Variants in CCDC38 observed in about 807,000 individuals in gnomAD.
CCDC38 encodes coiled-coil domain-containing protein 38.
Under a neutral mutation model 72.8 loss-of-function variants are expected in CCDC38, and 69 were observed. The observed-to-expected ratio is 0.95, with a 90% CI of 0.78 to 1.16. CCDC38 has a LOEUF of 1.16. CCDC38 is among the 50% of genes most tolerant of loss of function. The pLI is 0.00. For synonymous variants in CCDC38, 201 were observed against 213.2 expected (o/e 0.94, Z 0.50); for missense variants, 626 against 638.9 (o/e 0.98, Z 0.22).
chr12:95,886,654 GA>G (rs2079762892), intron 10 of CCDC38, among the ~76,000 whole-genome samples: 1 of 152,158 alleles, frequency 6.6e-6, no homozygotes, highest in African/African-American at 2.4e-5. Flanking sequence ...GTGAGCAAAA[GA>G]CATGAATAGA....
chr12:95,924,714 G>A (rs1310639375), intron 2 of CCDC38, among the ~76,000 whole-genome samples: 5 of 151,230 alleles, frequency 3.3e-5, no homozygotes, highest in Admixed American at 2.6e-4. Context: ...ATTAATTTTT[G>A]TATAAGGGGT....
intron 1 of CCDC38, among the ~76,000 whole-genome samples, chr12:95,941,394 T>C (rs2080448940): frequency 6.6e-6 from 1 of 152,214 alleles, no homozygotes; most frequent in South Asian, 2.1e-4. Flanking sequence ...AAGTGATTTA[T>C]GTTTTATTTT....
chr12:95,901,795 T>C (rs2079952979), intron 5 of CCDC38, among the ~76,000 whole-genome samples: 1 of 152,216 alleles, frequency 6.6e-6, no homozygotes, highest in African/African-American at 2.4e-5. Flanking sequence ...AAAGTCGTTT[T>C]GGTGAATGAT....
At position 95,890,820 on chromosome 12, in the gene CCDC38, A is replaced by G; in HGVS notation, c.871+12T>C. 2 of 1,541,466 alleles carry G rather than the reference A, an allele frequency of 1.3e-6. No individual in the cohort carries two copies. Among genetic ancestry groups the G allele is most frequent in the Non-Finnish European group, 1.8e-6 (2 of 1,118,392 alleles). On this transcript the variant is annotated intron_variant, in intron 9 of 15. Transcript: ENST00000344280. ...CAGGTTTTACTTTCATGAGTCCCAA[A>G]TCTACCTTTACCTTGGCTGTCTCTT...
intron 10 of CCDC38, chr12:95,885,834 G>A (rs1452252332): frequency 6.6e-6 from 1 of 152,110 alleles, no homozygotes; most frequent in Non-Finnish European, 1.5e-5. Flanking sequence ...CCTAAGGCAC[G>A]GGAGCAAGTA....
intron 2 of CCDC38, among the ~76,000 whole-genome samples, chr12:95,921,408 T>A (rs1224347433): frequency 1.3e-5 from 2 of 152,160 alleles, no homozygotes; most frequent in Non-Finnish European, 2.9e-5. Flanking sequence ...GACTCACAGT[T>A]CTGCATAGCT....
intron 5 of CCDC38, among the ~76,000 whole-genome samples, chr12:95,905,198 G>A (rs1370968273): frequency 6.6e-6 from 1 of 151,798 alleles, no homozygotes; most frequent in Non-Finnish European, 1.5e-5. Flanking sequence ...CATTTTTTCT[G>A]AATATTTTTG....
intron 2 of CCDC38, among the ~76,000 whole-genome samples, chr12:95,920,100 A>T (rs6538686): frequency 0.59 from 89,848 of 152,060 alleles, 28,483 homozygotes; most frequent in East Asian, 0.91. Flanking sequence ...TCTGATATGG[A>T]TTGGCTGTGT....
chr12:95,906,257 G>GA, intron 5 of CCDC38, 130 bp downstream of exon 5: 1 of 673,874 alleles, frequency 1.5e-6, no homozygotes, highest in Non-Finnish European at 2.6e-6. Flanking sequence ...ATGAACACGT[G>GA]AAAAAACCAA....
intron 4 of CCDC38, among the ~76,000 whole-genome samples, chr12:95,913,214 G>A (rs2080112735): frequency 6.6e-6 from 1 of 152,200 alleles, no homozygotes; most frequent in South Asian, 2.1e-4. Flanking sequence ...GGGAATATGA[G>A]TAAATTACCC....
intron 13 of CCDC38, among the ~76,000 whole-genome samples, chr12:95,874,401 C>G (rs2079613620): frequency 6.6e-6 from 1 of 152,158 alleles, no homozygotes; most frequent in Non-Finnish European, 1.5e-5. Flanking sequence ...CCACCACCCC[C>G]TCCCCCTTTT....
intron 1 of CCDC38, 104 bp from the exon 2 acceptor site, chr12:95,936,627 A>C: frequency 1.2e-6 from 1 of 814,342 alleles, no homozygotes; most frequent in Non-Finnish European, 2.0e-6. Flanking sequence ...TATGGCTTTT[A>C]AAAGCAGTGA....
intron 10 of CCDC38, among the ~76,000 whole-genome samples, chr12:95,883,489 C>A (rs967947167): frequency 6.6e-6 from 1 of 152,102 alleles, no homozygotes; most frequent in Non-Finnish European, 1.5e-5. Flanking sequence ...GAAAGCACTC[C>A]CTCTTCCAGA....
chr12:95,876,231 C>T (rs573072356), intron 13 of CCDC38, among the ~76,000 whole-genome samples: 4 of 152,216 alleles, frequency 2.6e-5, no homozygotes, highest in South Asian at 2.1e-4. Flanking sequence ...TCTTTTGTGA[C>T]GTACCTAGAA....
chr12:95,927,958 G>T (rs1037756603), intron 2 of CCDC38, among the ~76,000 whole-genome samples: 1 of 149,128 alleles, frequency 6.7e-6, no homozygotes, highest in Non-Finnish European at 1.5e-5. Context: ...CTTTCTCTCT[G>T]GCTGCCCTTA....
At chr12:95,931,116 G>A (rs1297937315) in intron 2 of CCDC38, among the ~76,000 whole-genome samples, 2 of 152,138 alleles carry the variant, frequency 1.3e-5, no homozygotes, top group Non-Finnish European at 2.9e-5. Flanking sequence ...AGTCTGAAAT[G>A]AGTCCTTTGA....
At chr12:95,921,827 CAA>C (rs1355879560) in intron 2 of CCDC38, among the ~76,000 whole-genome samples, 2 of 152,026 alleles carry the variant, frequency 1.3e-5, no homozygotes, top group Non-Finnish European at 2.9e-5. Flanking sequence ...CTCAACCTTA[CAA>C]AAAGACTCCA....
chr12:95,889,033 CTTTTTTT>C (rs63374760), intron 9 of CCDC38: 8 of 85,062 alleles, frequency 9.4e-5, no homozygotes, highest in Non-Finnish European at 1.5e-4. Context: ...ATTGTCTCAG[CTTTTTTT>C]TTTTTTTTTT....
chr12:95,874,344 A>G (rs1172154517), intron 13 of CCDC38, among the ~76,000 whole-genome samples: 2 of 152,224 alleles, frequency 1.3e-5, no homozygotes, highest in Non-Finnish European at 2.9e-5. Context: ...AGATGGCTTT[A>G]GAGATGGATG....
Sources: gnomAD v4.1 joint callset for allele counts (sites outside exome capture counted in the v4.1 genomes callset) on GRCh38, gnomAD v4.1.1 for gene constraint, MANE v1.5 for transcripts, NCBI Gene and HGNC (gene_info 2026-07-23, HGNC 2026-07-21) for gene names.